The following SLC24A2 variants were observed in gnomAD, a reference collection of about 807,000 sequenced individuals.
SLC24A2 encodes the protein solute carrier family 24 member 2.
Under a neutral mutation model 62.0 loss-of-function variants are expected in SLC24A2, and 36 were observed. That is an observed-to-expected ratio of 0.58 (90% CI 0.44 to 0.77). The LOEUF (loss-of-function observed/expected upper bound fraction) is 0.77. Among genes scored for constraint, SLC24A2 ranks in the 30% least tolerant of loss-of-function variants. The pLI is 0.00. For synonymous variants in SLC24A2, 358 were observed against 294.0 expected, an observed-to-expected ratio of 1.22 and a Z score of -2.23; for missense variants, 846 against 817.9, an observed-to-expected ratio of 1.03 and a Z score of -0.42.
At chr9:19,575,526 G>T (rs901835578) in intron 6 of SLC24A2, among the ~76,000 whole-genome samples, 4 of 152,188 alleles carry the variant, frequency 2.6e-5, no homozygotes, top group African/African-American at 9.7e-5. Context: ...CAGGCTGAAG[G>T]TTCATAATAA....
the SLC24A2 span, among the ~76,000 whole-genome samples, chr9:20,234,105 C>T: frequency 1.3e-5 from 2 of 152,232 alleles, no homozygotes; most frequent in Non-Finnish European, 2.9e-5. Flanking sequence ...AGCTGTTAGT[C>T]TGATGGGCTT....
intron 2 of SLC24A2, among the ~76,000 whole-genome samples, chr9:19,752,208 G>C (rs946844424): frequency 6.6e-6 from 1 of 152,082 alleles, no homozygotes; most frequent in African/African-American, 2.4e-5. Flanking sequence ...ACTTGATCCA[G>C]GATGGAGCTA....
the SLC24A2 span, among the ~76,000 whole-genome samples, chr9:20,104,612 G>A: frequency 6.6e-6 from 1 of 152,118 alleles, no homozygotes; most frequent in Non-Finnish European, 1.5e-5. Flanking sequence ...CTTCATAAGT[G>A]AAGGAGAAAT....
chr9:20,137,498 T>G, the SLC24A2 span, among the ~76,000 whole-genome samples: 2 of 152,206 alleles, frequency 1.3e-5, no homozygotes, highest in Non-Finnish European at 2.9e-5. Context: ...GTCCAAAATG[T>G]TAAGATAGTC....
chr9:20,007,491 T>C, the SLC24A2 span, among the ~76,000 whole-genome samples: 4 of 152,290 alleles, frequency 2.6e-5, no homozygotes, highest in Admixed American at 6.5e-5. Context: ...TACCTTTATA[T>C]AAATGGTGTA....
the SLC24A2 span, among the ~76,000 whole-genome samples, chr9:20,254,253 T>C: frequency 6.6e-6 from 1 of 152,194 alleles, no homozygotes; most frequent in African/African-American, 2.4e-5. Flanking sequence ...TATGCCTCTG[T>C]TTGGAGTTGA....
chr9:19,930,974 T>A, the SLC24A2 span, among the ~76,000 whole-genome samples: 21 of 152,338 alleles, frequency 1.4e-4, no homozygotes, highest in South Asian at 1.7e-3. Flanking sequence ...TGCTTCCATA[T>A]AGGATTGGCA....
chr9:20,099,616 T>C, the SLC24A2 span, among the ~76,000 whole-genome samples: 2 of 152,044 alleles, frequency 1.3e-5, no homozygotes, highest in Non-Finnish European at 1.5e-5. Flanking sequence ...CTCTAAACAC[T>C]TCCCAAAAAT....
chr9:19,547,904 A>T (rs1252868908), intron 8 of SLC24A2, among the ~76,000 whole-genome samples: 1 of 151,764 alleles, frequency 6.6e-6, no homozygotes, highest in Non-Finnish European at 1.5e-5. Context: ...TGAGCCAAGA[A>T]AAATCAAACA....
At chr9:19,570,188 T>A (rs539198198) in intron 7 of SLC24A2, among the ~76,000 whole-genome samples, 6 of 152,360 alleles carry the variant, frequency 3.9e-5, no homozygotes, top group African/African-American at 1.4e-4. Flanking sequence ...CAACTTACCT[T>A]TTCTAGTGGA....
At chr9:19,519,789 C>A (rs1833102424) in intron 10 of SLC24A2, among the ~76,000 whole-genome samples, 1 of 152,188 alleles carries the variant, frequency 6.6e-6, no homozygotes, top group Non-Finnish European at 1.5e-5. Context: ...AAGGGTAAGT[C>A]AGAGTTTTCC....
chr9:20,024,552 C>T, the SLC24A2 span, among the ~76,000 whole-genome samples: 94,946 of 152,062 alleles, frequency 0.62, 30,668 homozygotes, highest in East Asian at 0.95. Context: ...ATTTAAGCTA[C>T]CTGTGGCATT....
chr9:19,517,556 C>T (rs1366306695), intron 10 of SLC24A2, among the ~76,000 whole-genome samples: 2 of 152,152 alleles, frequency 1.3e-5, no homozygotes. Flanking sequence ...CTGGTACATG[C>T]AGCCCCTAAC....
the SLC24A2 span, among the ~76,000 whole-genome samples, chr9:19,962,760 T>G: frequency 6.6e-6 from 1 of 152,332 alleles, no homozygotes. Context: ...GATTTTGGGC[T>G]GAGACTATGG....
At chr9:20,074,912 G>A in the SLC24A2 span, among the ~76,000 whole-genome samples, 2 of 152,022 alleles carry the variant, frequency 1.3e-5, no homozygotes, top group South Asian at 4.2e-4. Flanking sequence ...TGAGCTACAG[G>A]GGCTATGGCT....
chr9:19,858,781 A>T, the SLC24A2 span, among the ~76,000 whole-genome samples: 1 of 152,330 alleles, frequency 6.6e-6, no homozygotes, highest in South Asian at 2.1e-4. Flanking sequence ...AGTGAAATGC[A>T]AATCAAAACC....
the SLC24A2 span, among the ~76,000 whole-genome samples, chr9:19,961,729 A>G: frequency 2.0e-5 from 3 of 152,264 alleles, no homozygotes; most frequent in Non-Finnish European, 4.4e-5. Flanking sequence ...AGACTATGTC[A>G]TAAGAGGTAA....
intron 10 of SLC24A2, among the ~76,000 whole-genome samples, chr9:19,518,038 C>G (rs148821264): frequency 1.6e-3 from 245 of 151,650 alleles, no homozygotes; most frequent in African/African-American, 5.7e-3. Context: ...TGACACTTTT[C>G]ATGCCTTTTG....
chr9:19,786,913 C>G lies in SLC24A2; in HGVS notation c.-47G>C, dbSNP rs1249064409. ...GGTGATCTTCCAACTTTAGACTCAACCAGATGGTTCTTTCATACTTTTCCT... is the reference window on the plus strand; with the variant it reads ...GGTGATCTTCCAACTTTAGACTCAAGCAGATGGTTCTTTCATACTTTTCCT... On this transcript the variant is annotated 5_prime_UTR_variant, in exon 2 of 11. Transcript: ENST00000341998. The surrounding 1 kb of genome is among the most constrained non-coding windows in gnomAD (Gnocchi z 5.0). 1.3e-6 allele frequency: 2 copies of G among 1,596,070 alleles called. No homozygotes were observed. Among genetic ancestry groups the G allele is most frequent in the East Asian group, 2.2e-5 (1 of 44,836 alleles).
Sources: allele counts gnomAD v4.1 joint callset (sites outside exome capture counted in the v4.1 genomes callset), GRCh38; gene constraint gnomAD v4.1.1; non-coding constraint Gnocchi (gnomAD v3.1); transcripts MANE v1.5; gene names NCBI Gene and HGNC (gene_info 2026-07-23, HGNC 2026-07-21).